FBXW8: variants seen among roughly 807,000 people sequenced by gnomAD.
FBXW8 encodes the protein F-box and WD repeat domain containing 8.
A neutral mutation model predicts 65.3 loss-of-function variants in FBXW8; 57 were observed. The observed-to-expected ratio is 0.87, with a 90% CI of 0.71 to 1.09. The LOEUF (loss-of-function observed/expected upper bound fraction) is 1.09, where lower values mean the gene tolerates loss of function less well. Among genes scored for constraint, FBXW8 ranks in the 50% least tolerant of loss-of-function variants. The probability of loss-of-function intolerance (pLI) is 0.00; values close to 1 mark genes in which losing one functional copy is unlikely to be tolerated. For missense variants in FBXW8, 777 were observed against 814.8 expected (o/e 0.95, Z 0.57); for synonymous variants, 308 against 330.2 (o/e 0.93, Z 0.73).
At chr12:116,917,902 G>T (rs1880563597) in intron 1 of FBXW8, among the ~76,000 whole-genome samples, 1 of 149,664 alleles carries the variant, frequency 6.7e-6, no homozygotes, top group Non-Finnish European at 1.5e-5. Flanking sequence ...TGAGGCAGAA[G>T]AATTGCTTGA....
At chr12:117,010,590 A>G (rs1953783211) in intron 8 of FBXW8, 140 bp downstream of exon 8, 1 of 1,072,802 alleles carries the variant, frequency 9.3e-7, no homozygotes, top group African/African-American at 1.6e-5. Flanking sequence ...TAAACACTCT[A>G]GACTCAGAGA....
At chr12:116,915,503 C>T (rs964910296) in intron 1 of FBXW8, among the ~76,000 whole-genome samples, 23 of 152,040 alleles carry the variant, frequency 1.5e-4, no homozygotes, top group African/African-American at 5.3e-4. Flanking sequence ...GGCAGCATCA[C>T]CAGCATGTCA....
intron 2 of FBXW8, among the ~76,000 whole-genome samples, chr12:116,930,108 G>C (rs1881655863): frequency 6.6e-6 from 1 of 152,060 alleles, no homozygotes; most frequent in African/African-American, 2.4e-5. Context: ...TATCTTGGCT[G>C]TTGTGAATAA....
intron 2 of FBXW8, among the ~76,000 whole-genome samples, chr12:116,938,839 T>C (rs1882352838): frequency 6.6e-6 from 1 of 152,208 alleles, no homozygotes. Context: ...GGGCCAGTCT[T>C]GTGATCTAAC....
At chr12:116,933,278 A>G (rs1881912260) in intron 2 of FBXW8, among the ~76,000 whole-genome samples, 1 of 152,238 alleles carries the variant, frequency 6.6e-6, no homozygotes, top group Non-Finnish European at 1.5e-5. Context: ...GCATTAGATG[A>G]TAAAATCTTC....
chr12:116,939,183 A>G (rs542257009), intron 2 of FBXW8, among the ~76,000 whole-genome samples: 85 of 152,330 alleles, frequency 5.6e-4, no homozygotes, highest in African/African-American at 2.0e-3. Context: ...TGAACTTCCC[A>G]AATCCAAAAA....
chr12:116,952,043 T>G (rs930935976), intron 4 of FBXW8, among the ~76,000 whole-genome samples: 1 of 152,264 alleles, frequency 6.6e-6, no homozygotes, highest in Admixed American at 6.5e-5. Context: ...TGACATTTCT[T>G]TCCAAGCTAC....
chr12:116,930,873 T>C (rs1881715105), intron 2 of FBXW8, among the ~76,000 whole-genome samples: 1 of 152,228 alleles, frequency 6.6e-6, no homozygotes, highest in Non-Finnish European at 1.5e-5. Flanking sequence ...AGTGGTACAA[T>C]CGTAGCTCAC....
intron 3 of FBXW8, among the ~76,000 whole-genome samples, chr12:116,946,376 G>A (rs945667607): frequency 6.6e-6 from 1 of 152,196 alleles, no homozygotes; most frequent in Non-Finnish European, 1.5e-5. Context: ...AAGTCAATAA[G>A]AGCAGTGTCT....
At chr12:116,966,136 A>G (rs554951082) in intron 5 of FBXW8, among the ~76,000 whole-genome samples, 15 of 152,170 alleles carry the variant, frequency 9.9e-5, no homozygotes, top group Admixed American at 9.2e-4. Context: ...GACACTACTG[A>G]TGGATTTCCT....
At position 116,972,075 on chromosome 12, in the gene FBXW8, C is replaced by T. The variant is rs1261264403; in HGVS notation, c.835+7221C>T. On this transcript the variant is annotated intron_variant, in intron 5 of 10. Coordinates refer to ENST00000652555, the MANE Select transcript of FBXW8 (RefSeq NM_153348.3). ...AGAAAAATGTGGCACATTAAATTTA[C>T]ACTATAAGATTTAGTGTTACTCTTT... 9.2e-5 allele frequency among the ~76,000 whole-genome samples: 14 copies of T among 152,254 alleles called. 1 individual carries two copies. In the South Asian group the frequency reaches 2.5e-3, roughly 27 times the overall value.
At chr12:116,965,820 A>G (rs1227302109) in intron 5 of FBXW8, among the ~76,000 whole-genome samples, 1 of 152,050 alleles carries the variant, frequency 6.6e-6, no homozygotes, top group Non-Finnish European at 1.5e-5. Flanking sequence ...GTGCAGTGGC[A>G]CTATCTCAGT....
intron 1 of FBXW8, among the ~76,000 whole-genome samples, chr12:116,925,218 A>G (rs1565899271): frequency 6.6e-6 from 1 of 151,830 alleles, no homozygotes; most frequent in Non-Finnish European, 1.5e-5. Context: ...TGGACTAGTC[A>G]TTGGATACAG....
intron 5 of FBXW8, among the ~76,000 whole-genome samples, chr12:116,966,781 C>T (rs1884353085): frequency 6.6e-6 from 1 of 151,980 alleles, no homozygotes; most frequent in Non-Finnish European, 1.5e-5. Context: ...GTGGCACCAT[C>T]TCGGCTCACT....
chr12:116,958,410 A>G (rs1437744884), intron 4 of FBXW8, among the ~76,000 whole-genome samples: 2 of 152,230 alleles, frequency 1.3e-5, no homozygotes, highest in Non-Finnish European at 2.9e-5. Context: ...AAGGGCACGA[A>G]TGTTTCTTGA....
Position 116,945,374 on chromosome 12 carries a change from C to T in FBXW8, c.434C>T (p.Thr145Met), listed in dbSNP as rs777119668. The T allele has an allele frequency of 1.2e-5, 19 of 1,612,000 alleles. No individual in the cohort carries two copies. The highest frequency in any genetic ancestry group is 6.7e-5 in the Admixed American group (4 of 59,916). The change falls in exon 3 of 11, where the codon ACG becomes ATG. Residue 145 changes from threonine (T) to methionine (M), a missense_variant. Coordinates refer to ENST00000652555, the MANE Select transcript of FBXW8 (RefSeq NM_153348.3). ...CTTCTGCTGTTTTAGGTGAGCAAGA[C>T]GTGGAAGGTGATTGCAGAGGATGAG... is the stretch of plus-strand genomic sequence containing the variant. ...ELGRCAQVSKTWKVIAEDEVL... is the reference protein window; with the variant it reads ...ELGRCAQVSKMWKVIAEDEVL...
At chr12:116,938,590 C>T (rs1882323913) in intron 2 of FBXW8, among the ~76,000 whole-genome samples, 1 of 152,188 alleles carries the variant, frequency 6.6e-6, no homozygotes, top group Admixed American at 6.5e-5. Flanking sequence ...TAAGGTCCGA[C>T]ATATTTGAGA....
intron 2 of FBXW8, among the ~76,000 whole-genome samples, chr12:116,933,666 A>T (rs982320600): frequency 6.6e-6 from 1 of 152,260 alleles, no homozygotes; most frequent in East Asian, 1.9e-4. Flanking sequence ...GAACCCCGTT[A>T]GCGTACAGTG....
intron 10 of FBXW8, 143 bp downstream of exon 10, chr12:117,027,647 C>T (rs180912778): frequency 4.2e-6 from 3 of 711,160 alleles, no homozygotes; most frequent in Admixed American, 2.1e-5. Context: ...GAAACATAAA[C>T]GTGGATGCTG....
Sources: allele counts gnomAD v4.1 joint callset (sites outside exome capture counted in the v4.1 genomes callset), GRCh38; gene constraint gnomAD v4.1.1; transcripts MANE v1.5; gene names NCBI Gene and HGNC (gene_info 2026-07-23, HGNC 2026-07-21).